ANXA10: variants seen among roughly 807,000 people sequenced by gnomAD.
The protein encoded by ANXA10 is annexin 14.
In ANXA10, 49 loss-of-function variants were observed where a neutral mutation model predicts 53.5. The ratio of observed to expected loss-of-function variants is 0.92; its 90% CI spans 0.73 to 1.16. ANXA10 has a LOEUF of 1.16. Ranked by LOEUF, ANXA10 falls within the 50% of genes most tolerant of loss-of-function variation. The pLI is 0.00. For synonymous variants in ANXA10, 131 were observed against 128.9 expected (o/e 1.02, Z -0.11); for missense variants, 393 against 394.4 (o/e 1.00, Z 0.03).
In ANXA10 at chr4:168,162,576, G is replaced by A. The variant is rs770153355; in HGVS notation, c.244G>A (p.Val82Met). 1.4e-5 allele frequency: 22 copies of A among 1,613,842 alleles called. No individual in the cohort carries two copies. The highest frequency in any genetic ancestry group is 6.7e-5 in the Admixed American group (4 of 59,960). ...REQLSDHFKDVMAGLMYPPPL... is the reference protein window; with the variant it reads ...REQLSDHFKDMMAGLMYPPPL... ...GCAGCTTTCGGATCACTTCAAAGAT[G>A]TGATGGCTGGCCTCATGTACCCACC... The change falls in exon 4 of 12, where the codon GTG becomes ATG. Residue 82 changes from valine to methionine, a missense_variant. Transcript: ENST00000359299.
At chr4:168,128,248 T>C in intron 2 of ANXA10, 83 bp downstream of exon 2, 1 of 961,604 alleles carries the variant, frequency 1.0e-6, no homozygotes, top group Non-Finnish European at 1.5e-6. Context: ...GGGTATAAAA[T>C]AGTTGATGTC....
chr4:168,123,427 CT>C (rs1421317779), intron 1 of ANXA10, among the ~76,000 whole-genome samples: 1 of 152,118 alleles, frequency 6.6e-6, no homozygotes, highest in African/African-American at 2.4e-5. Flanking sequence ...TGAAAAATTA[CT>C]GAGATTAAGC....
At chr4:168,107,046 C>T (rs1294579915) in intron 1 of ANXA10, among the ~76,000 whole-genome samples, 1 of 152,086 alleles carries the variant, frequency 6.6e-6, no homozygotes, top group Admixed American at 6.6e-5. Flanking sequence ...GGAATACTAT[C>T]CCCCACATTG....
At chr4:168,118,853 A>C (rs1730940465) in intron 1 of ANXA10, among the ~76,000 whole-genome samples, 1 of 152,220 alleles carries the variant, frequency 6.6e-6, no homozygotes, top group Non-Finnish European at 1.5e-5. Flanking sequence ...ATCAAGAAGC[A>C]AAAGTTATTA....
chr4:168,116,054 C>T (rs956092072), intron 1 of ANXA10, among the ~76,000 whole-genome samples: 8 of 151,762 alleles, frequency 5.3e-5, no homozygotes, highest in African/African-American at 9.7e-5. Flanking sequence ...ACCTGCCCTC[C>T]GGAAGTTTAA....
At position 168,184,676 on chromosome 4, in the gene ANXA10, A is replaced by G. The variant is rs200653368; in HGVS notation, c.901A>G (p.Ile301Val). ...ERYGKSLFHD[I>V]RNFASGHYKK... ...ATATGGAAAATCCCTATTTCATGAT[A>G]TCAGAGTAAGTTTCCGACACATGAT... Residue 301 changes from isoleucine (I) to valine (V), a missense_variant, in exon 11 of 12, where the codon ATC (isoleucine) becomes GTC (valine). By Grantham distance (29) the Ile-to-Val change is conservative. Coordinates refer to ENST00000359299, the MANE Select transcript of ANXA10 (RefSeq NM_007193.5). 3 of 1,613,714 alleles carry G rather than the reference A, an allele frequency of 1.9e-6. No homozygotes were observed. The African/African-American group carries it at 4.0e-5, about 22-fold the overall frequency.
chr4:168,130,734 T>C (rs192111371), intron 2 of ANXA10, among the ~76,000 whole-genome samples: 121 of 152,082 alleles, frequency 8.0e-4, no homozygotes, highest in South Asian at 1.7e-3. Flanking sequence ...ACTATCAAAT[T>C]TGTGGTCTTA....
At chr4:168,155,766 G>T (rs376924968) in intron 3 of ANXA10, among the ~76,000 whole-genome samples, 18,402 of 27,806 alleles carry the variant, frequency 0.66, 6,188 homozygotes, top group African/African-American at 0.76. Flanking sequence ...TATAATATAT[G>T]ATATATCATA....
At chr4:168,183,710 C>T (rs965283233) in intron 10 of ANXA10, among the ~76,000 whole-genome samples, 1 of 152,192 alleles carries the variant, frequency 6.6e-6, no homozygotes, top group Non-Finnish European at 1.5e-5. Flanking sequence ...CAAAAAGCTG[C>T]TTTAATCACC....
intron 1 of ANXA10, among the ~76,000 whole-genome samples, chr4:168,118,409 C>T (rs1350826910): frequency 1.3e-5 from 2 of 152,204 alleles, no homozygotes; most frequent in Non-Finnish European, 2.9e-5. Context: ...TGTAACTCTG[C>T]AGGGTCTCAC....
At chr4:168,151,816 T>C (rs1731502821) in intron 3 of ANXA10, among the ~76,000 whole-genome samples, 1 of 152,208 alleles carries the variant, frequency 6.6e-6, no homozygotes, top group Non-Finnish European at 1.5e-5. Context: ...ACTATAGCAC[T>C]TACCAAATTT....
chr4:168,135,318 C>G (rs1374865754), intron 2 of ANXA10, among the ~76,000 whole-genome samples: 1 of 152,146 alleles, frequency 6.6e-6, no homozygotes, highest in Non-Finnish European at 1.5e-5. Context: ...TTTCTATCTT[C>G]CCAATGATGA....
At chr4:168,103,901 G>C (rs1189075878) in intron 1 of ANXA10, among the ~76,000 whole-genome samples, 1 of 151,556 alleles carries the variant, frequency 6.6e-6, no homozygotes, top group Non-Finnish European at 1.5e-5. Flanking sequence ...TTATTGCATT[G>C]CCTAAGATTT....
At chr4:168,144,343 C>T (rs539147062) in intron 3 of ANXA10, among the ~76,000 whole-genome samples, 8 of 152,226 alleles carry the variant, frequency 5.3e-5, no homozygotes, top group Middle Eastern at 3.4e-3. Context: ...CGTGCAACCA[C>T]GCCCAGCTAA....
intron 2 of ANXA10, among the ~76,000 whole-genome samples, chr4:168,132,233 C>A (rs1198147948): frequency 6.6e-6 from 1 of 152,020 alleles, no homozygotes; most frequent in Non-Finnish European, 1.5e-5. Flanking sequence ...ACCTGTGCAT[C>A]AACAGATGAA....
At chr4:168,127,036 T>C (rs1432976812) in intron 1 of ANXA10, among the ~76,000 whole-genome samples, 2 of 152,190 alleles carry the variant, frequency 1.3e-5, no homozygotes, top group South Asian at 2.1e-4. Flanking sequence ...TCTGAGTTCA[T>C]GTCAGGGCCT....
intron 3 of ANXA10, among the ~76,000 whole-genome samples, chr4:168,154,505 G>A (rs1296543149): frequency 6.6e-6 from 1 of 152,096 alleles, no homozygotes; most frequent in Non-Finnish European, 1.5e-5. Context: ...TGGCCAGGAA[G>A]TAATCAATTT....
At chr4:168,155,923 CATATATTATATGTTATATATA>C (rs1731642491) in intron 3 of ANXA10, among the ~76,000 whole-genome samples, 1 of 46,120 alleles carries the variant, frequency 2.2e-5, no homozygotes, top group Non-Finnish European at 5.2e-5. Flanking sequence ...TATTATATAT[CATATATTATATGTTATATATA>C]ATATATGATA....
In ANXA10 at chr4:168,184,614, T is replaced by C. The variant is rs947266180; in HGVS notation, c.839T>C (p.Ile280Thr). The change falls in exon 11 of 12, where the codon ATA becomes ACA. Residue 280 changes from isoleucine (I) to threonine (T), a missense_variant. Physicochemically the swap from Ile to Thr is moderately conservative, Grantham distance 89. Coordinates refer to ENST00000359299, the MANE Select transcript of ANXA10 (RefSeq NM_007193.5). ...VIRILIARSE[I>T]DLLTIRKRYK... ...AGGATTCTCATTGCCAGAAGTGAAA[T>C]AGACCTGCTGACCATAAGGAAACGA... 5.6e-6 allele frequency: 9 copies of C among 1,613,882 alleles called. No homozygotes were observed. Among genetic ancestry groups the C allele is most frequent in the Non-Finnish European group, 5.9e-6 (7 of 1,179,904 alleles).
Sources: allele counts gnomAD v4.1 joint callset (sites outside exome capture counted in the v4.1 genomes callset), GRCh38; gene constraint gnomAD v4.1.1; transcripts MANE v1.5; gene names NCBI Gene and HGNC (gene_info 2026-07-23, HGNC 2026-07-21).